The following PTK2 variants were observed in gnomAD, a reference collection of about 807,000 sequenced individuals.
PTK2 encodes focal adhesion kinase 1.
Under a neutral mutation model 150.1 loss-of-function variants are expected in PTK2, and 45 were observed. The observed-to-expected ratio is 0.30, with a 90% CI of 0.24 to 0.38. The LOEUF is 0.38. Ranked by LOEUF, PTK2 falls within the 10% of genes least tolerant of loss-of-function variation. The probability of loss-of-function intolerance (pLI) is 1.00; values close to 1 mark genes in which losing one functional copy is unlikely to be tolerated. For synonymous variants in PTK2, 432 were observed against 449.2 expected, an observed-to-expected ratio of 0.96 and a Z score of 0.48; for missense variants, 919 against 1,307.3, an observed-to-expected ratio of 0.70 and a Z score of 4.58.
chr8:140,852,906 C>A (rs893659068), intron 5 of PTK2, among the ~76,000 whole-genome samples: 9 of 152,192 alleles, frequency 5.9e-5, no homozygotes, highest in Non-Finnish European at 1.2e-4. Flanking sequence ...AGAAACTAAA[C>A]CCCTGAAATG....
intron 7 of PTK2, among the ~76,000 whole-genome samples, chr8:140,833,303 T>C (rs1479903153): frequency 6.6e-6 from 1 of 151,896 alleles, no homozygotes; most frequent in Non-Finnish European, 1.5e-5. Context: ...TACCTGGCAG[T>C]TGAGAAAATA....
chr8:140,733,494 T>C (rs879615145), intron 22 of PTK2, among the ~76,000 whole-genome samples: 67 of 151,724 alleles, frequency 4.4e-4, no homozygotes, highest in Admixed American at 2.6e-3. Flanking sequence ...GTCAATGAGG[T>C]AGAAAGAGAT....
At chr8:140,756,562 T>C (rs1322850627) in intron 16 of PTK2, among the ~76,000 whole-genome samples, 1 of 150,718 alleles carries the variant, frequency 6.6e-6, no homozygotes, top group Non-Finnish European at 1.5e-5. Context: ...CCGGGTGTGG[T>C]GGCACCTGCC....
intron 1 of PTK2, among the ~76,000 whole-genome samples, chr8:141,000,507 T>A (rs533311245): frequency 6.6e-6 from 1 of 152,234 alleles, no homozygotes; most frequent in African/African-American, 2.4e-5. Flanking sequence ...TCCCTCTTCC[T>A]CCTCCTGCCT....
chr8:140,914,873 A>T (rs2100164586), intron 2 of PTK2, among the ~76,000 whole-genome samples: 3 of 152,012 alleles, frequency 2.0e-5, no homozygotes, highest in Admixed American at 6.6e-5. Context: ...ATCTCTACTA[A>T]AAACACAAAA....
At chr8:140,664,617 G>A (rs2087055488) in intron 31 of PTK2, among the ~76,000 whole-genome samples, 1 of 152,174 alleles carries the variant, frequency 6.6e-6, no homozygotes, top group Non-Finnish European at 1.5e-5. Flanking sequence ...CTCATCCACT[G>A]CTCAGAGCCA....
intron 1 of PTK2, among the ~76,000 whole-genome samples, chr8:141,000,563 G>A (rs1220588966): frequency 5.3e-5 from 8 of 152,140 alleles, no homozygotes; most frequent in Non-Finnish European, 1.0e-4. Flanking sequence ...GGCGGAGGCC[G>A]GCCCGTCCTC....
At chr8:140,899,687 C>T (rs932627443) in intron 2 of PTK2, among the ~76,000 whole-genome samples, 14 of 152,006 alleles carry the variant, frequency 9.2e-5, no homozygotes, top group Non-Finnish European at 1.6e-4. Context: ...GGAACGTAAA[C>T]ACAAATATCC....
intron 1 of PTK2, among the ~76,000 whole-genome samples, chr8:140,990,347 A>T (rs1463023264): frequency 6.6e-6 from 1 of 151,374 alleles, no homozygotes; most frequent in Non-Finnish European, 1.5e-5. Context: ...CAGTCCTCCC[A>T]CCTCATCCTC....
chr8:140,687,780 G>GA (rs774207792), intron 26 of PTK2, among the ~76,000 whole-genome samples: 150 of 152,334 alleles, frequency 9.8e-4, no homozygotes, highest in Non-Finnish European at 1.7e-3. Flanking sequence ...GTAGTAGGAA[G>GA]TTGGTGAAGG....
At chr8:140,790,192 A>G (rs1166955890) in intron 13 of PTK2, among the ~76,000 whole-genome samples, 1 of 152,236 alleles carries the variant, frequency 6.6e-6, no homozygotes, top group Non-Finnish European at 1.5e-5. Context: ...CACAGTCTTT[A>G]GATGTCAAAG....
At chr8:140,917,346 G>A (rs2100165681) in intron 2 of PTK2, among the ~76,000 whole-genome samples, 1 of 151,742 alleles carries the variant, frequency 6.6e-6, no homozygotes, top group African/African-American at 2.4e-5. Context: ...TGCCAGGAAA[G>A]GACAGGAAAG....
At chr8:140,878,389 C>A (rs1600149135) in intron 4 of PTK2, among the ~76,000 whole-genome samples, 1 of 152,102 alleles carries the variant, frequency 6.6e-6, no homozygotes, top group East Asian at 1.9e-4. Context: ...TGTTTGAGCC[C>A]AGGAGTTTGA....
intron 4 of PTK2, 80 bp downstream of exon 4, chr8:140,879,391 T>C (rs749829991): frequency 7.2e-7 from 1 of 1,384,994 alleles, no homozygotes; most frequent in Admixed American, 2.4e-5. Flanking sequence ...ATTAAACATA[T>C]ACATTTGTTA....
chr8:140,890,789 A>T lies in PTK2; in HGVS notation c.-32-20T>A, dbSNP rs748126065. The T allele has an allele frequency of 3.1e-6, 5 of 1,592,210 alleles. No individual in the cohort carries two copies. The Admixed American group carries it at 6.7e-5, about 21-fold the overall frequency. On this transcript the variant is annotated intron_variant, in intron 2 of 31. Transcript: ENST00000522684. ...CATATTCTGTTAAAAGAACAAAATA[A>T]TTTTTTGTGTATAATACTTGAAATC...
chr8:140,970,621 G>A lies in PTK2; in HGVS notation c.-122+30504C>T, dbSNP rs541947054. Among the ~76,000 whole-genome samples, 12 of 152,258 alleles carry A rather than the reference G, an allele frequency of 7.9e-5. No homozygotes were observed. In the East Asian group the frequency reaches 1.7e-3, roughly 22 times the overall value. ...GCTCCACATCCTCCACCATCACCAC[G>A]ACTTGTGCCATCATCACCATTCACT... is the stretch of plus-strand genomic sequence containing the variant. On this transcript the variant is annotated intron_variant, in intron 1 of 31. Coordinates refer to ENST00000522684, the Ensembl canonical transcript of PTK2.
Position 140,959,128 on chromosome 8 carries a change from T to A in PTK2, c.-121-33379A>T, listed in dbSNP as rs114317730. The stretch of plus-strand genomic sequence containing the variant: ...TAAAGACACATAATAGGGAGTAAAA[T>A]TTTTTTTTTAATGGAAATGACTGTC... On this transcript the variant is annotated intron_variant, in intron 1 of 31. Coordinates refer to ENST00000522684, the Ensembl canonical transcript of PTK2. Among the ~76,000 whole-genome samples, 1,137 of 149,688 alleles carry A rather than the reference T, an allele frequency of 7.6e-3. 12 individuals carry two copies. The highest frequency in any genetic ancestry group is 0.025 in the African/African-American group (1,044 of 41,008).
At chr8:140,692,478 A>C (rs2100023747) in intron 26 of PTK2, among the ~76,000 whole-genome samples, 1 of 152,186 alleles carries the variant, frequency 6.6e-6, no homozygotes. Context: ...TTAGCCGGGC[A>C]TGGTGGCAGG....
intron 1 of PTK2, among the ~76,000 whole-genome samples, chr8:140,964,192 T>C (rs924479443): frequency 1.3e-5 from 2 of 152,146 alleles, no homozygotes; most frequent in Admixed American, 1.3e-4. Flanking sequence ...TGAATGTTTC[T>C]ACCACAGGAT....
Sources: gnomAD v4.1 joint callset for allele counts (sites outside exome capture counted in the v4.1 genomes callset) on GRCh38, gnomAD v4.1.1 for gene constraint, MANE v1.5 for transcripts, NCBI Gene and HGNC (gene_info 2026-07-23, HGNC 2026-07-21) for gene names.